CNTN4: variants seen among roughly 807,000 people sequenced by gnomAD.
CNTN4 encodes contactin-4.
In CNTN4, 77 loss-of-function variants were observed where a neutral mutation model predicts 122.5. That is an observed-to-expected ratio of 0.63 (90% CI 0.52 to 0.76). The LOEUF (loss-of-function observed/expected upper bound fraction) is 0.76, where lower values mean the gene tolerates loss of function less well. Among genes scored for constraint, CNTN4 ranks in the 30% least tolerant of loss-of-function variants. CNTN4 has a pLI of 0.00. For synonymous variants in CNTN4, 512 were observed against 447.0 expected (o/e 1.15, Z -1.83); for missense variants, 1,256 against 1,259.1 (o/e 1.00, Z 0.04).
chr3:2,217,359 G>A (rs931713047), intron 2 of CNTN4, among the ~76,000 whole-genome samples: 2 of 152,158 alleles, frequency 1.3e-5, no homozygotes, highest in Non-Finnish European at 2.9e-5. Flanking sequence ...GTTCCAGGAT[G>A]AGTTAATCTT....
At chr3:2,500,192 C>T (rs375071682) in intron 3 of CNTN4, among the ~76,000 whole-genome samples, 2 of 151,792 alleles carry the variant, frequency 1.3e-5, no homozygotes, top group African/African-American at 4.8e-5. Context: ...TTTTATCTTC[C>T]CCTGAATAAT....
At chr3:2,998,703 T>C (rs1695761083) in intron 14 of CNTN4, among the ~76,000 whole-genome samples, 1 of 151,992 alleles carries the variant, frequency 6.6e-6, no homozygotes, top group Non-Finnish European at 1.5e-5. Context: ...ATGGCCCCAG[T>C]ACATGAAGGC....
intron 13 of CNTN4, chr3:2,985,267 A>T (rs1018972728): frequency 6.6e-6 from 1 of 152,450 alleles, no homozygotes; most frequent in African/African-American, 2.4e-5. Context: ...GTTTAGCTTC[A>T]TAGATTTAGG....
chr3:2,756,370 T>G (rs1044230818), intron 6 of CNTN4, among the ~76,000 whole-genome samples: 40 of 152,300 alleles, frequency 2.6e-4, no homozygotes, highest in African/African-American at 8.2e-4. Context: ...CCTTGCTCCT[T>G]CTGCCATGTG....
intron 3 of CNTN4, among the ~76,000 whole-genome samples, chr3:2,514,724 G>A (rs998127793): frequency 3.3e-5 from 5 of 152,174 alleles, no homozygotes; most frequent in South Asian, 4.1e-4. Context: ...TGATCCTTCC[G>A]AGGTTAAGAA....
intron 4 of CNTN4, among the ~76,000 whole-genome samples, chr3:2,711,992 G>T (rs1013848946): frequency 1.3e-5 from 2 of 152,100 alleles, no homozygotes; most frequent in African/African-American, 4.8e-5. Context: ...TTATTTATGG[G>T]ATAGTTTATT....
intron 23 of CNTN4, among the ~76,000 whole-genome samples, chr3:3,048,231 G>GAA (rs60064438): frequency 3.3e-5 from 5 of 150,864 alleles, no homozygotes; most frequent in South Asian, 2.1e-4. Context: ...AAATATTCAG[G>GAA]AAAAAAAACA....
At chr3:2,140,938 C>A (rs2034964515) in intron 2 of CNTN4, among the ~76,000 whole-genome samples, 1 of 152,136 alleles carries the variant, frequency 6.6e-6, no homozygotes, top group South Asian at 2.1e-4. Context: ...AGCTTCTTTT[C>A]TTTAAAGATC....
chr3:2,307,108 A>C (rs1326850327), intron 2 of CNTN4, among the ~76,000 whole-genome samples: 1 of 152,004 alleles, frequency 6.6e-6, no homozygotes, highest in Non-Finnish European at 1.5e-5. Context: ...TATTTTTCCT[A>C]ATTGTCCTAG....
At chr3:2,631,964 T>C (rs1004320711) in intron 4 of CNTN4, among the ~76,000 whole-genome samples, 23 of 151,044 alleles carry the variant, frequency 1.5e-4, no homozygotes, top group Non-Finnish European at 3.2e-4. Flanking sequence ...AGTGAGAGGA[T>C]CGCTTGAGCA....
chr3:3,024,310 A>G (rs1422883531), intron 14 of CNTN4, among the ~76,000 whole-genome samples: 2 of 151,002 alleles, frequency 1.3e-5, no homozygotes, highest in Non-Finnish European at 2.9e-5. Flanking sequence ...ACGTCAAATG[A>G]CATGTTAAGT....
intron 3 of CNTN4, among the ~76,000 whole-genome samples, chr3:2,371,683 T>G (rs914845800): frequency 2.6e-5 from 4 of 152,222 alleles, no homozygotes; most frequent in African/African-American, 9.6e-5. Flanking sequence ...CCCAGTGCCT[T>G]TCACTTATTT....
intron 2 of CNTN4, among the ~76,000 whole-genome samples, chr3:2,197,966 G>C (rs1020687678): frequency 4.7e-5 from 7 of 150,438 alleles, no homozygotes; most frequent in African/African-American, 1.7e-4. Context: ...AGTGGGCTGA[G>C]ATCACACCAC....
At chr3:2,219,456 C>T (rs2149482305) in intron 2 of CNTN4, among the ~76,000 whole-genome samples, 1 of 152,068 alleles carries the variant, frequency 6.6e-6, no homozygotes, top group South Asian at 2.1e-4. Flanking sequence ...GCAGATCTAC[C>T]ATTTGTGTTA....
intron 4 of CNTN4, among the ~76,000 whole-genome samples, chr3:2,600,711 T>C (rs1362272177): frequency 6.6e-6 from 1 of 152,244 alleles, no homozygotes; most frequent in East Asian, 1.9e-4. Context: ...TTTGGGTATA[T>C]ACCCAGTAAT....
chr3:2,367,059 A>C (rs150259005), intron 3 of CNTN4, among the ~76,000 whole-genome samples: 1 of 152,140 alleles, frequency 6.6e-6, no homozygotes, highest in Non-Finnish European at 1.5e-5. Flanking sequence ...TTCATTTTCT[A>C]ATATTTATTG....
At chr3:2,956,588 T>A (rs2094801666) in intron 13 of CNTN4, among the ~76,000 whole-genome samples, 1 of 152,070 alleles carries the variant, frequency 6.6e-6, no homozygotes, top group Admixed American at 6.6e-5. Context: ...AGGTAAATGA[T>A]GCTAATTTTA....
At chr3:2,239,108 T>C (rs1184424210) in intron 2 of CNTN4, 3 of 152,136 alleles carry the variant, frequency 2.0e-5, no homozygotes, top group Admixed American at 6.6e-5. Flanking sequence ...TGCAAAGTTC[T>C]CTGTTTTAAT....
chr3:2,234,819 C>A (rs1153521), intron 2 of CNTN4, among the ~76,000 whole-genome samples: 10,607 of 152,104 alleles, frequency 0.07, 401 homozygotes, highest in African/African-American at 0.084. Flanking sequence ...GCACCAATTT[C>A]TTTGCCAGAG....
Sources: allele counts gnomAD v4.1 joint callset (sites outside exome capture counted in the v4.1 genomes callset), GRCh38; gene constraint gnomAD v4.1.1; transcripts MANE v1.5; gene names NCBI Gene and HGNC (gene_info 2026-07-23, HGNC 2026-07-21).